TBC1D24: variants seen among roughly 807,000 people sequenced by gnomAD.
The protein encoded by TBC1D24 is TBC1 domain family member 24.
TBC1D24 carries 47 observed loss-of-function variants against 50.7 expected under a neutral mutation model. The observed-to-expected ratio is 0.93, with a 90% CI of 0.73 to 1.18. The LOEUF (loss-of-function observed/expected upper bound fraction) is 1.18. Among genes scored for constraint, TBC1D24 ranks in the 50% most tolerant of loss-of-function variants. The probability of loss-of-function intolerance (pLI) is 0.00; values close to 1 mark genes in which losing one functional copy is unlikely to be tolerated. For missense variants in TBC1D24, 688 were observed against 766.5 expected, an observed-to-expected ratio of 0.90 and a Z score of 1.21; for synonymous variants, 324 against 335.2, an observed-to-expected ratio of 0.97 and a Z score of 0.36.
intron 1 of TBC1D24, among the ~76,000 whole-genome samples, chr16:2,495,006 A>G (rs1457432379): frequency 1.3e-5 from 2 of 150,084 alleles, no homozygotes; most frequent in Non-Finnish European, 3.0e-5. Flanking sequence ...ACCCCATCAC[A>G]CACACACACA....
chr16:2,500,187 G>T lies in TBC1D24; in HGVS notation c.1303-81G>T. 2 of 1,368,436 alleles carry T rather than the reference G, an allele frequency of 1.5e-6. No individual in the cohort carries two copies. Among genetic ancestry groups the T allele is most frequent in the East Asian group, 2.5e-5 (1 of 39,952 alleles). The allele number at this position is 1,368,436 out of a possible 1,614,324, so 84.8% of individuals were successfully genotyped here. A position where few individuals can be genotyped will look rare whatever the true frequency, so the allele number is the denominator to read the frequency against. On this transcript the variant is annotated intron_variant, in intron 6 of 7. Coordinates refer to ENST00000646147, the MANE Select transcript of TBC1D24 (RefSeq NM_001199107.2). The surrounding 1 kb of genome is among the most constrained non-coding windows in gnomAD (Gnocchi z 8.0). ...CCTTGGGCTCTGGGTGCAGATTCAC[G>T]GGATGAAACGGGTTGTGGCTCTGGG...
At chr16:2,480,178 T>G (rs1306908432) in intron 1 of TBC1D24, 1 of 152,246 alleles carries the variant, frequency 6.6e-6, no homozygotes, top group Admixed American at 6.5e-5. Flanking sequence ...TTGTCCAGGC[T>G]GGAGTGCGAT....
chr16:2,486,595 G>A lies in TBC1D24; in HGVS notation c.-115-9439G>A, dbSNP rs140710336. Among the ~76,000 whole-genome samples the A allele has an allele frequency of 3.3e-3, 503 of 152,336 alleles. 4 individuals are homozygous for A. The highest frequency in any genetic ancestry group is 0.011 in the African/African-American group (476 of 41,582). On this transcript the variant is annotated intron_variant, in intron 1 of 7. Coordinates refer to ENST00000646147, the MANE Select transcript of TBC1D24 (RefSeq NM_001199107.2). This position sits in a 1 kb window ranked among gnomAD's most constrained non-coding sequence, Gnocchi z 5.8. ...GGAGTCCTAGCGAACACTGACCTAC[G>A]TTGGGACAGGGCTGCCTCTTGCCCA...
rs940314209 is a variant in TBC1D24 at position 2,486,815 on chromosome 16, C to T, written c.-115-9219C>T. Among the ~76,000 whole-genome samples the T allele has an allele frequency of 1.3e-5, 2 of 152,226 alleles. No homozygotes were observed. The highest frequency in any genetic ancestry group is 2.9e-5 in the Non-Finnish European group (2 of 68,034). ...GCTGGAATTCTCTGTTTGTCGCTCG[C>T]CCCCGCCTCCAGCATCCCCAAGTGG... On this transcript the variant is annotated intron_variant, in intron 1 of 7. Transcript: ENST00000646147. The surrounding 1 kb of genome is among the most constrained non-coding windows in gnomAD (Gnocchi z 5.8).
rs752494065 is a variant in TBC1D24 at position 2,500,803 on chromosome 16, G to A, written c.1526-1G>A. ...CCGCCACTGACCTGAGCATCCTGCA[G>A]GGGGAGGAGGCGGCCAGGCGCTCTA... On this transcript the variant is annotated splice_acceptor_variant, in intron 7 of 7. Coordinates refer to ENST00000646147, the MANE Select transcript of TBC1D24 (RefSeq NM_001199107.2). LOFTEE classifies it high-confidence loss of function. This position sits in a 1 kb window ranked among gnomAD's most constrained non-coding sequence, Gnocchi z 8.0. 3 of 1,603,302 alleles carry A rather than the reference G, an allele frequency of 1.9e-6. No homozygotes were observed. Among genetic ancestry groups the A allele is most frequent in the East Asian group, 4.5e-5 (2 of 44,832 alleles).
intron 1 of TBC1D24, among the ~76,000 whole-genome samples, chr16:2,490,397 A>G (rs1377368981): frequency 6.6e-6 from 1 of 152,128 alleles, no homozygotes; most frequent in Non-Finnish European, 1.5e-5. Flanking sequence ...CCTGGTGGGG[A>G]AGCACACTTT....
chr16:2,496,230 A>G lies in TBC1D24; in HGVS notation c.82A>G (p.Ser28Gly). 3.1e-6 allele frequency: 5 copies of G among 1,613,930 alleles called. No homozygotes were observed. Among genetic ancestry groups the G allele is most frequent in the Middle Eastern group, 1.6e-4 (1 of 6,062 alleles). Residue 28 changes from serine (S) to glycine (G), a missense_variant, in exon 2 of 8, where the codon AGC becomes GGC. Physicochemically the swap from Ser to Gly is moderately conservative, Grantham distance 56. Coordinates refer to ENST00000646147, the MANE Select transcript of TBC1D24 (RefSeq NM_001199107.2). ...CCAGGACCTGGGGCCCAAGGAGCTG[A>G]GCTGCACTGAACTGCAGGAACTGAA... Reference protein sequence around the residue: ...AIQDLGPKELSCTELQELKQL... With the variant: ...AIQDLGPKELGCTELQELKQL...
At chr16:2,491,034 G>C (rs1183102289) in intron 1 of TBC1D24, among the ~76,000 whole-genome samples, 5 of 152,246 alleles carry the variant, frequency 3.3e-5, no homozygotes, top group African/African-American at 9.6e-5. Context: ...AAGCCCATAA[G>C]TGCTCCAGCC....
intron 1 of TBC1D24, chr16:2,480,692 A>G (rs1019571152): frequency 6.6e-6 from 1 of 152,062 alleles, no homozygotes; most frequent in South Asian, 2.1e-4. Context: ...CCCCTTCCCT[A>G]ATTACCCTCT....
Position 2,505,168 on chromosome 16 carries a change from A to G in TBC1D24, c.*4210A>G, listed in dbSNP as rs536917341. The G allele has an allele frequency of 6.6e-6, 1 of 152,350 alleles. No homozygotes were observed. Among genetic ancestry groups the G allele is most frequent in the East Asian group, 1.9e-4 (1 of 5,192 alleles). 9.4% of individuals were successfully genotyped at this position (152,350 alleles called of 1,614,324 possible). On this transcript the variant is annotated 3_prime_UTR_variant, in exon 8 of 8. Transcript: ENST00000646147. Reference sequence around the variant, plus strand: ...CTACAACATCTATGTTAGGTAGAAAAGTATGTGGATTTTTAAAAATCATCT... The same window carrying G: ...CTACAACATCTATGTTAGGTAGAAAGGTATGTGGATTTTTAAAAATCATCT...
chr16:2,492,864 G>A (rs1433923164), intron 1 of TBC1D24, among the ~76,000 whole-genome samples: 5 of 152,018 alleles, frequency 3.3e-5, no homozygotes, highest in South Asian at 2.1e-4. Flanking sequence ...AGGCTGAGGC[G>A]GGCGGATCAC....
rs1051847722 is a variant in TBC1D24, at chr16:2,502,097, TGTG to T, written c.*1143_*1145del. ...ATGCATGTCCTCCCTCTGTCCCTCTTGTGGTGCTGTGGCTGGCCACGTGTCAGG... is the reference window on the plus strand; with the variant it reads ...ATGCATGTCCTCCCTCTGTCCCTCTTGTGCTGTGGCTGGCCACGTGTCAGG... On this transcript the variant is annotated 3_prime_UTR_variant, in exon 8 of 8. Transcript: ENST00000646147. 3 of 152,618 alleles carry T rather than the reference TGTG, an allele frequency of 2.0e-5. No homozygotes were observed. The highest frequency in any genetic ancestry group is 4.4e-5 in the Non-Finnish European group (3 of 68,310). The allele number at this position is 152,618 out of a possible 1,614,324, so 9.5% of individuals were successfully genotyped here.
Position 2,483,730 on chromosome 16 carries a change from G to A in TBC1D24, c.-116+8560G>A, listed in dbSNP as rs1378261561. ...GAGAGAGAGGAGGCGGGTGGTGATG[G>A]GGAGAGCCCGGCTGCTGCTCGGCCC... is the stretch of plus-strand genomic sequence containing the variant. On this transcript the variant is annotated intron_variant, in intron 1 of 7. Coordinates refer to ENST00000646147, the MANE Select transcript of TBC1D24 (RefSeq NM_001199107.2). The surrounding 1 kb of genome is among the most constrained non-coding windows in gnomAD (Gnocchi z 4.0). 2 of 152,986 alleles carry A rather than the reference G, an allele frequency of 1.3e-5. No homozygotes were observed. The highest frequency in any genetic ancestry group is 1.3e-4 in the Admixed American group (2 of 15,278). 9.5% of individuals were successfully genotyped at this position (152,986 alleles called of 1,614,324 possible). A position where few individuals can be genotyped will look rare whatever the true frequency, so the allele number is the denominator to read the frequency against.
intron 1 of TBC1D24, among the ~76,000 whole-genome samples, chr16:2,495,822 C>T (rs1371151143): frequency 6.6e-6 from 1 of 152,050 alleles, no homozygotes; most frequent in Admixed American, 6.6e-5. Context: ...ACCTGTCGTC[C>T]CAGCTACTCA....
Position 2,500,349 on chromosome 16 carries a change from G to T in TBC1D24, c.1384G>T (p.Glu462Ter). The T allele has an allele frequency of 1.2e-6, 2 of 1,610,314 alleles. No individual in the cohort carries two copies. Among genetic ancestry groups the T allele is most frequent in the South Asian group, 1.1e-5 (1 of 90,416 alleles). ...CAAGCCCCCACCCTTGATGGCTGCC[G>T]AGCCCACCGCCCCACTCAGCCACTC... ...LTKPPPLMAAEPTAPLSHSAS... is the reference protein window; with the variant it reads ...LTKPPPLMAA The change falls in exon 7 of 8, where the codon GAG becomes TAG. Residue 462 changes from glutamate to a stop codon, truncating the protein, a stop_gained. Coordinates refer to ENST00000646147, the MANE Select transcript of TBC1D24 (RefSeq NM_001199107.2). LOFTEE classifies it high-confidence loss of function. The surrounding 1 kb of genome is among the most constrained non-coding windows in gnomAD (Gnocchi z 8.0).
chr16:2,490,754 G>A (rs2065689028), intron 1 of TBC1D24, among the ~76,000 whole-genome samples: 2 of 152,242 alleles, frequency 1.3e-5, no homozygotes, highest in South Asian at 4.1e-4. Flanking sequence ...GCAAACAAGT[G>A]GCAGAGCTGG....
In TBC1D24 at chr16:2,500,738, C is replaced by G; in HGVS notation, c.1526-66C>G. On this transcript the variant is annotated intron_variant, in intron 7 of 7. Transcript: ENST00000646147. This position sits in a 1 kb window ranked among gnomAD's most constrained non-coding sequence, Gnocchi z 8.0. ...GTGCAGGGCAGGACAGCTGGGACAG[C>G]AGGTGAGGTGCCTGGGTCAGTGCTG... 6.5e-7 allele frequency: 1 copy of G among 1,541,848 alleles called. No homozygotes were observed. Among genetic ancestry groups the G allele is most frequent in the Non-Finnish European group, 8.7e-7 (1 of 1,147,436 alleles).
Position 2,500,486 on chromosome 16 carries a change from C to G in TBC1D24, c.1521C>G (p.Ile507Met). Residue 507 changes from isoleucine to methionine, a missense_variant, in exon 7 of 8, where the codon ATC (isoleucine) becomes ATG (methionine). Physicochemically the swap from Ile to Met is conservative, Grantham distance 10. Coordinates refer to ENST00000646147, the MANE Select transcript of TBC1D24 (RefSeq NM_001199107.2). This position sits in a 1 kb window ranked among gnomAD's most constrained non-coding sequence, Gnocchi z 8.0. Reference protein sequence around the residue: ...MFMAGGSDCLIVGGGGGQALY... With the variant: ...MFMAGGSDCLMVGGGGGQALY... ...TGGCGGGGGGCAGCGACTGCCTCAT[C>G]GTCGGTGAGCGCCAGCAGACGGGGC... 6.4e-7 allele frequency: 1 copy of G among 1,560,420 alleles called. No individual in the cohort carries two copies. Among genetic ancestry groups the G allele is most frequent in the Admixed American group, 1.9e-5 (1 of 52,832 alleles).
rs1418738310 is a variant in TBC1D24 at position 2,496,868 on chromosome 16, G to C, written c.720G>C (p.Leu240=). ...TCCTGGTGGAGGGCTACAAGGTGCT[G>C]TACCGCGTGGCGCTGGCCATCCTCA... is the stretch of plus-strand genomic sequence containing the variant. ...DVFLVEGYKV[L]YRVALAILKF... is the part of the protein sequence containing the mutation. The change falls in exon 2 of 8, where the codon CTG becomes CTC. Residue 240 remains leucine, a synonymous_variant. Transcript: ENST00000646147. 6.2e-7 allele frequency: 1 copy of C among 1,614,010 alleles called. No individual in the cohort carries two copies. The highest frequency in any genetic ancestry group is 1.3e-5 in the African/African-American group (1 of 74,924).
Sources: allele counts gnomAD v4.1 joint callset (sites outside exome capture counted in the v4.1 genomes callset), GRCh38; gene constraint gnomAD v4.1.1; non-coding constraint Gnocchi (gnomAD v3.1); transcripts MANE v1.5; gene names NCBI Gene and HGNC (gene_info 2026-07-23, HGNC 2026-07-21).